The following MRPL18 variants were observed in gnomAD, a reference collection of about 807,000 sequenced individuals.
MRPL18 encodes mitochondrial ribosomal protein L18.
A neutral mutation model predicts 20.9 loss-of-function variants in MRPL18; 16 were observed. The observed-to-expected ratio is 0.76, with a 90% CI of 0.52 to 1.16. MRPL18 has a LOEUF of 1.16. Ranked by LOEUF, MRPL18 falls within the 50% of genes most tolerant of loss-of-function variation. The pLI is 0.00. For synonymous variants in MRPL18, 91 were observed against 87.1 expected, an observed-to-expected ratio of 1.04 and a Z score of -0.25; for missense variants, 233 against 230.6, an observed-to-expected ratio of 1.01 and a Z score of -0.07.
chr6:159,797,633 T>C, intron 3 of MRPL18, 115 bp downstream of exon 3: 1 of 909,414 alleles, frequency 1.1e-6, no homozygotes, highest in Non-Finnish European at 1.7e-6. Context: ...TGTCAGACCC[T>C]TTGGTGAGTA....
At position 159,790,478 on chromosome 6, in the gene MRPL18, G is replaced by C; in HGVS notation, c.-110G>C. 1 of 1,450,216 alleles carries C rather than the reference G, an allele frequency of 6.9e-7. No homozygotes were observed. Among genetic ancestry groups the C allele is most frequent in the African/African-American group, 1.4e-5 (1 of 71,728 alleles). The allele number at this position is 1,450,216 out of a possible 1,614,324, so 89.8% of individuals were successfully genotyped here. A position where few individuals can be genotyped will look rare whatever the true frequency, so the allele number is the denominator to read the frequency against. On this transcript the variant is annotated 5_prime_UTR_variant, in exon 1 of 4. Coordinates refer to ENST00000367034, the MANE Select transcript of MRPL18 (RefSeq NM_014161.5). ...TGGCGTCTGGCGTGGAGAGTTTGGG[G>C]ATCTACAGCAGCCAAAGGCTTGTCC...
intron 2 of MRPL18, among the ~76,000 whole-genome samples, chr6:159,795,085 G>A (rs2115009830): frequency 6.6e-6 from 1 of 152,364 alleles, no homozygotes; most frequent in East Asian, 1.9e-4. Flanking sequence ...TTACAAAGCA[G>A]TATTGCTGCC....
At chr6:159,790,445 C>A (rs1014302142), upstream of MRPL18, 1 of 1,005,852 alleles carries the variant, frequency 9.9e-7, no homozygotes, top group Non-Finnish European at 1.5e-6. Context: ...TTGCTACTTC[C>A]GGGTCGGTGG....
chr6:159,797,655 T>TA (rs1781066925), intron 3 of MRPL18, 137 bp downstream of exon 3: 3 of 738,094 alleles, frequency 4.1e-6, no homozygotes, highest in Non-Finnish European at 2.2e-6. Flanking sequence ...TCAACAGTGT[T>TA]ACTTCATTTA....
At chr6:159,794,575 G>A (rs978806306) in intron 2 of MRPL18, among the ~76,000 whole-genome samples, 2 of 152,114 alleles carry the variant, frequency 1.3e-5, no homozygotes, top group Non-Finnish European at 2.9e-5. Flanking sequence ...TACTTAACTC[G>A]CTCCTAGAGG....
chr6:159,790,794 G>T, intron 1 of MRPL18, 146 bp from the exon 2 acceptor site: 1 of 1,364,642 alleles, frequency 7.3e-7, no homozygotes, highest in South Asian at 1.3e-5. Context: ...CGGGGTCAGT[G>T]CTGACTCCAC....
At chr6:159,793,792 G>A (rs1030890960) in intron 2 of MRPL18, among the ~76,000 whole-genome samples, 4 of 152,106 alleles carry the variant, frequency 2.6e-5, no homozygotes, top group African/African-American at 4.8e-5. Context: ...GGCACCTGTA[G>A]TCCCAGCTAC....
At chr6:159,792,705 C>T (rs1780931471) in intron 2 of MRPL18, among the ~76,000 whole-genome samples, 1 of 152,188 alleles carries the variant, frequency 6.6e-6, no homozygotes, top group South Asian at 2.1e-4. Context: ...GGTATGATAT[C>T]TGCTTACTGC....
At chr6:159,797,205 T>C (rs1781049379) in intron 2 of MRPL18, 82 bp from the exon 3 acceptor site, 2 of 1,268,826 alleles carry the variant, frequency 1.6e-6, no homozygotes, top group Non-Finnish European at 2.2e-6. Flanking sequence ...TTGAAAAATA[T>C]TTAGTCATTT....
At chr6:159,796,642 G>A (rs1781035536) in intron 2 of MRPL18, among the ~76,000 whole-genome samples, 1 of 152,032 alleles carries the variant, frequency 6.6e-6, no homozygotes, top group African/African-American at 2.4e-5. Context: ...AAATTATCTT[G>A]GTGCAGTGGC....
chr6:159,790,692 A>T, intron 1 of MRPL18, 53 bp downstream of exon 1: 1 of 1,601,322 alleles, frequency 6.2e-7, no homozygotes, highest in African/African-American at 1.3e-5. Flanking sequence ...CTTGCACAGT[A>T]CATTGGAACG....
chr6:159,790,220 AC>A (rs1372958766), upstream of MRPL18, among the ~76,000 whole-genome samples: 1 of 152,092 alleles, frequency 6.6e-6, no homozygotes, highest in African/African-American at 2.4e-5. Flanking sequence ...GTGTGTGTGG[AC>A]CAGTCGATGA....
At chr6:159,790,834 C>A (rs1006787540) in intron 1 of MRPL18, 106 bp from the exon 2 acceptor site, 2 of 1,454,352 alleles carry the variant, frequency 1.4e-6, no homozygotes, top group Non-Finnish European at 1.9e-6. Flanking sequence ...TTCGTCCCCT[C>A]GGGCCTAAAG....
chr6:159,795,763 CA>C lies in MRPL18; in HGVS notation c.240-1522del, dbSNP rs1781015765. Among the ~76,000 whole-genome samples, 3 of 152,170 alleles carry C rather than the reference CA, an allele frequency of 2.0e-5. No individual in the cohort carries two copies. The South Asian group carries it at 6.2e-4, about 32-fold the overall frequency. ...ATATTGTGTAAATTAGCTCTTTGAA[CA>C]ATATATGAGTTTAAAATATTTTTTC... On this transcript the variant is annotated intron_variant, in intron 2 of 3. Coordinates refer to ENST00000367034, the MANE Select transcript of MRPL18 (RefSeq NM_014161.5).
intron 2 of MRPL18, among the ~76,000 whole-genome samples, chr6:159,793,891 A>C (rs890309129): frequency 1.3e-5 from 2 of 151,954 alleles, no homozygotes; most frequent in Non-Finnish European, 2.9e-5. Context: ...CAGCCTGGGC[A>C]ACAGACTGAG....
chr6:159,790,947 G>T lies in MRPL18; in HGVS notation c.60G>T (p.Arg20Ser), dbSNP rs763719786. The change falls in exon 2 of 4, where the codon AGG (arginine) becomes AGT (serine). Residue 20 changes from arginine (R) to serine (S), a missense_variant. Arg to Ser is a moderately radical substitution (Grantham distance 110, BLOSUM62 -1). Transcript: ENST00000367034. Reference protein sequence around the residue: ...LFSVCRNPGCRFAALSTSSEP... With the variant: ...LFSVCRNPGCSFAALSTSSEP... ...GTTTTTCCCGTTGCCCAGGGTGCAG[G>T]TTCGCAGCCCTGTCAACCAGCTCCG... 1.2e-6 allele frequency: 2 copies of T among 1,614,128 alleles called. No homozygotes were observed. Among genetic ancestry groups the T allele is most frequent in the African/African-American group, 1.3e-5 (1 of 75,038 alleles).
chr6:159,790,364 C>T (rs1354922303), upstream of MRPL18: 6 of 634,788 alleles, frequency 9.5e-6, no homozygotes, highest in Admixed American at 7.1e-5. Context: ...GCCTGCGTGC[C>T]CCTCGACGTG....
At chr6:159,789,893 T>C (rs1028031818), upstream of MRPL18, 1 of 209,524 alleles carries the variant, frequency 4.8e-6, no homozygotes, top group African/African-American at 2.3e-5. Context: ...GAAAAGGTTG[T>C]AAGAAGGGTG....
chr6:159,797,376 G>A lies in MRPL18; in HGVS notation c.329G>A (p.Trp110Ter), dbSNP rs1781053908. ...KVVVSASTRE[W>*]AIKKHLYSTR... is the part of the protein sequence containing the mutation. The stretch of plus-strand genomic sequence containing the variant: ...GTGGTTTCGGCCTCCACTCGTGAGT[G>A]GGCTATTAAAAAGCACCTTTATAGT... Residue 110 changes from tryptophan to a stop codon, truncating the protein, a stop_gained, in exon 3 of 4, where the codon TGG (tryptophan) becomes TAG (stop). Coordinates refer to ENST00000367034, the MANE Select transcript of MRPL18 (RefSeq NM_014161.5). LOFTEE classifies it high-confidence loss of function. 6.2e-7 allele frequency: 1 copy of A among 1,614,024 alleles called. No individual in the cohort carries two copies. Among genetic ancestry groups the A allele is most frequent in the Non-Finnish European group, 8.5e-7 (1 of 1,180,026 alleles).
Sources: gnomAD v4.1 joint callset for allele counts (sites outside exome capture counted in the v4.1 genomes callset) on GRCh38, gnomAD v4.1.1 for gene constraint, MANE v1.5 for transcripts, NCBI Gene and HGNC (gene_info 2026-07-23, HGNC 2026-07-21) for gene names.